Variants in ZBTB7B observed in about 807,000 individuals in gnomAD.
ZBTB7B encodes zinc finger and BTB domain-containing protein 7B.
Under a neutral mutation model 31.0 loss-of-function variants are expected in ZBTB7B, and 8 were observed. That is an observed-to-expected ratio of 0.26 (90% CI 0.15 to 0.47). The LOEUF is 0.47. Ranked by LOEUF, ZBTB7B falls within the 20% of genes least tolerant of loss-of-function variation. The pLI is 0.99. For synonymous variants in ZBTB7B, 261 were observed against 307.3 expected (o/e 0.85, Z 1.58); for missense variants, 494 against 742.4 (o/e 0.67, Z 3.89).
intron 1 of ZBTB7B, among the ~76,000 whole-genome samples, chr1:155,006,578 C>T (rs1321083221): frequency 6.6e-6 from 1 of 152,186 alleles, no homozygotes; most frequent in African/African-American, 2.4e-5. Context: ...TGTCAATTTG[C>T]TATCTTTTGA....
intron 1 of ZBTB7B, among the ~76,000 whole-genome samples, chr1:155,011,561 C>T (rs1192828954): frequency 1.3e-5 from 2 of 151,862 alleles, no homozygotes; most frequent in South Asian, 2.1e-4. Context: ...GGGGGGGTGG[C>T]GGGAAAGAGG....
At chr1:155,010,613 T>G (rs1349734579) in intron 1 of ZBTB7B, among the ~76,000 whole-genome samples, 1 of 152,048 alleles carries the variant, frequency 6.6e-6, no homozygotes, top group Non-Finnish European at 1.5e-5. Flanking sequence ...GCAATCCAGA[T>G]GGCTGCAGCT....
Position 155,003,459 on chromosome 1 carries a change from A to G in ZBTB7B, c.-7+516A>G, listed in dbSNP as rs909200419. Among the ~76,000 whole-genome samples, 1 of 152,066 alleles carries G rather than the reference A, an allele frequency of 6.6e-6. No individual in the cohort carries two copies. The highest frequency in any genetic ancestry group is 2.4e-5 in the African/African-American group (1 of 41,412). ...AGGAGCCGCGGCTTGGGGGAAAGTT[A>G]CCGGCTGGACTATTCGGTTTCTTGC... On this transcript the variant is annotated intron_variant, in intron 1 of 2. Coordinates refer to ENST00000535420, the MANE Select transcript of ZBTB7B (RefSeq NM_001256455.2). This position sits in a 1 kb window ranked among gnomAD's most constrained non-coding sequence, Gnocchi z 5.8.
Position 155,016,110 on chromosome 1 carries a change from G to A in ZBTB7B, c.1155-110G>A. ...GGGTATCTCCTGGGGCAATAGTGGG[G>A]TAACAAATGGTGAGGAACAGGGATG... is the stretch of plus-strand genomic sequence containing the variant. On this transcript the variant is annotated intron_variant, in intron 2 of 2. Coordinates refer to ENST00000535420, the MANE Select transcript of ZBTB7B (RefSeq NM_001256455.2). The surrounding 1 kb of genome is among the most constrained non-coding windows in gnomAD (Gnocchi z 4.3). 2 of 1,215,186 alleles carry A rather than the reference G, an allele frequency of 1.6e-6. No homozygotes were observed. The highest frequency in any genetic ancestry group is 2.3e-5 in the Admixed American group (1 of 43,532). The allele number at this position is 1,215,186 out of a possible 1,614,324, so 75.3% of individuals were successfully genotyped here.
At chr1:155,002,444 G>A (rs111845926), upstream of ZBTB7B, among the ~76,000 whole-genome samples, 4,457 of 145,234 alleles carry the variant, frequency 0.031, 75 homozygotes, top group Middle Eastern at 0.082. Flanking sequence ...TTTGGAGAAG[G>A]GGGCAAAAAA....
intron 1 of ZBTB7B, among the ~76,000 whole-genome samples, chr1:155,005,205 C>T (rs1179573679): frequency 2.0e-5 from 3 of 151,896 alleles, no homozygotes; most frequent in African/African-American, 7.3e-5. Context: ...GGGGAGGGGG[C>T]CCAGCAGGCA....
At chr1:155,002,442 AG>A (rs1658285373), upstream of ZBTB7B, among the ~76,000 whole-genome samples, 1 of 128,044 alleles carries the variant, frequency 7.8e-6, no homozygotes, top group South Asian at 2.8e-4. Flanking sequence ...AGTTTGGAGA[AG>A]GGGGCAAAAA....
rs563345961 is a variant in ZBTB7B at position 155,010,813 on chromosome 1, G to C, written c.-6-3842G>C. 77 of 923,592 alleles carry C rather than the reference G, an allele frequency of 8.3e-5. No individual in the cohort carries two copies. In the East Asian group the frequency reaches 1.9e-3, roughly 23 times the overall value. The allele number at this position is 923,592 out of a possible 1,614,324, so 57.2% of individuals were successfully genotyped here. A position where few individuals can be genotyped will look rare whatever the true frequency, so the allele number is the denominator to read the frequency against. On this transcript the variant is annotated intron_variant, in intron 1 of 2. Transcript: ENST00000535420. ...GAACCTGAGGCTGGAGTTGGGGTGG[G>C]GGGGTGGAGGGAGAAAGGAGACAGA...
Position 155,003,959 on chromosome 1 carries a change from C to G in ZBTB7B, c.-7+1016C>G, listed in dbSNP as rs546457353. ...CGGACACGTGCCTGCCCAGGCGCCC[C>G]GGCCCTGCTGGTGTTTAGAGAGAGG... On this transcript the variant is annotated intron_variant, in intron 1 of 2. Transcript: ENST00000535420. The surrounding 1 kb of genome is among the most constrained non-coding windows in gnomAD (Gnocchi z 5.8). 2.6e-5 allele frequency among the ~76,000 whole-genome samples: 4 copies of G among 152,150 alleles called. No individual in the cohort carries two copies. Among genetic ancestry groups the G allele is most frequent in the Non-Finnish European group, 5.9e-5 (4 of 67,994 alleles).
chr1:155,007,249 A>G (rs1324696480), intron 1 of ZBTB7B, among the ~76,000 whole-genome samples: 1 of 152,042 alleles, frequency 6.6e-6, no homozygotes. Context: ...AGATGCCCAC[A>G]CCCTGCCCTG....
chr1:155,011,636 C>G (rs1658990925), intron 1 of ZBTB7B, among the ~76,000 whole-genome samples: 1 of 152,244 alleles, frequency 6.6e-6, no homozygotes, highest in Non-Finnish European at 1.5e-5. Flanking sequence ...CAGACCTTGC[C>G]CGGTTCCCTG....
Position 155,015,137 on chromosome 1 carries a change from C to T in ZBTB7B, c.477C>T (p.Ala159=). The T allele has an allele frequency of 6.2e-7, 1 of 1,613,680 alleles. No homozygotes were observed. Among genetic ancestry groups the T allele is most frequent in the Non-Finnish European group, 8.5e-7 (1 of 1,180,014 alleles). Residue 159 remains alanine, a synonymous_variant, in exon 2 of 3, where the codon GCC becomes GCT. Coordinates refer to ENST00000535420, the MANE Select transcript of ZBTB7B (RefSeq NM_001256455.2). ...PSPDEDDCER[A]RQYLEAFATA... The stretch of plus-strand genomic sequence containing the variant: ...CGGACGAGGATGACTGTGAGCGAGC[C>T]CGCCAGTATCTGGAGGCCTTTGCCA...
chr1:155,009,386 G>GA (rs1369431485), intron 1 of ZBTB7B, among the ~76,000 whole-genome samples: 1 of 152,006 alleles, frequency 6.6e-6, no homozygotes, highest in African/African-American at 2.4e-5. Context: ...GGCTGGGGGG[G>GA]AGGGGGTGGG....
At chr1:155,011,898 T>A (rs1004736860) in intron 1 of ZBTB7B, among the ~76,000 whole-genome samples, 5 of 151,852 alleles carry the variant, frequency 3.3e-5, no homozygotes, top group Admixed American at 6.5e-5. Flanking sequence ...GAGGGCCCCT[T>A]GGCCTGGTTG....
At chr1:155,012,124 T>C (rs879713612) in intron 1 of ZBTB7B, among the ~76,000 whole-genome samples, 3 of 152,162 alleles carry the variant, frequency 2.0e-5, no homozygotes, top group Non-Finnish European at 4.4e-5. Flanking sequence ...CCAATCCCTG[T>C]GTGAGTTGCG....
chr1:155,011,670 A>T (rs966503519), intron 1 of ZBTB7B, among the ~76,000 whole-genome samples: 8 of 152,208 alleles, frequency 5.3e-5, no homozygotes, highest in Non-Finnish European at 8.8e-5. Flanking sequence ...CCCAACCACC[A>T]CACACACCCA....
upstream of ZBTB7B, among the ~76,000 whole-genome samples, chr1:155,002,386 A>C (rs948276776): frequency 1.7e-4 from 25 of 148,072 alleles, no homozygotes; most frequent in Non-Finnish European, 3.6e-4. Flanking sequence ...GAAGGAAAGA[A>C]GGAGGGAAAG....
rs544976317 is a variant in ZBTB7B at position 155,018,443 on chromosome 1, C to T, written c.*1758C>T. ...GCCTTAGGGGGAGAGGCACTCCCCC[C>T]CTCCTATTCCCTTCCCCCCACCCCA... On this transcript the variant is annotated 3_prime_UTR_variant, in exon 3 of 3. Transcript: ENST00000535420. 3.9e-5 allele frequency: 47 copies of T among 1,205,536 alleles called. 1 individual carries two copies. In the Admixed American group the frequency reaches 6.7e-4, roughly 17 times the overall value. 74.7% of individuals were successfully genotyped at this position (1,205,536 alleles called of 1,614,324 possible). A position where few individuals can be genotyped will look rare whatever the true frequency, so the allele number is the denominator to read the frequency against.
chr1:155,009,307 C>T (rs1658783229), intron 1 of ZBTB7B, among the ~76,000 whole-genome samples: 1 of 151,362 alleles, frequency 6.6e-6, no homozygotes, highest in South Asian at 2.1e-4. Context: ...CTGGGGGGCT[C>T]AGGTTTCTGC....
Sources: allele counts gnomAD v4.1 joint callset (sites outside exome capture counted in the v4.1 genomes callset), GRCh38; gene constraint gnomAD v4.1.1; non-coding constraint Gnocchi (gnomAD v3.1); transcripts MANE v1.5; gene names NCBI Gene and HGNC (gene_info 2026-07-23, HGNC 2026-07-21).